Variants in ZNF654 observed in about 807,000 individuals in gnomAD.
ZNF654 encodes melanoma-associated antigen.
In ZNF654, 19 loss-of-function variants were observed where a neutral mutation model predicts 95.3. The observed-to-expected ratio is 0.20, with a 90% CI of 0.14 to 0.29. The LOEUF is 0.29. Ranked by LOEUF, ZNF654 falls within the 10% of genes least tolerant of loss-of-function variation. ZNF654 has a pLI of 1.00. For missense variants in ZNF654, 1,046 were observed against 1,341.0 expected (o/e 0.78, Z 3.44); for synonymous variants, 413 against 457.9 (o/e 0.90, Z 1.25).
chr3:88,073,014 G>C (rs1707603682), intron 1 of ZNF654, among the ~76,000 whole-genome samples: 1 of 152,146 alleles, frequency 6.6e-6, no homozygotes, highest in Admixed American at 6.5e-5. Context: ...AAATAGTATG[G>C]GGTAGGTGGA....
intron 7 of ZNF654, among the ~76,000 whole-genome samples, chr3:88,136,317 C>T (rs1706781364): frequency 6.6e-6 from 1 of 152,032 alleles, no homozygotes; most frequent in Non-Finnish European, 1.5e-5. Flanking sequence ...TGGGGTAAAC[C>T]TGCAAATATA....
At position 88,141,739 on chromosome 3, in the gene ZNF654, T is replaced by C. The variant is rs1320285753; in HGVS notation, c.*87T>C. 13 of 1,067,448 alleles carry C rather than the reference T, an allele frequency of 1.2e-5. No homozygotes were observed. Among genetic ancestry groups the C allele is most frequent in the Non-Finnish European group, 1.3e-6 (1 of 760,824 alleles). 66.1% of individuals were successfully genotyped at this position (1,067,448 alleles called of 1,614,324 possible). On this transcript the variant is annotated 3_prime_UTR_variant, in exon 9 of 9. Transcript: ENST00000636215. ...ATGCATCATCAGTTTGCTATTTCCC[T>C]GATGGCCTTAATTTTAGAGTGGTCT...
intron 3 of ZNF654, among the ~76,000 whole-genome samples, chr3:88,120,350 T>C (rs1705691922): frequency 6.6e-6 from 1 of 152,322 alleles, no homozygotes; most frequent in East Asian, 1.9e-4. Context: ...GGTTTAAATG[T>C]TTTATTTATA....
intron 3 of ZNF654, among the ~76,000 whole-genome samples, chr3:88,120,812 A>G (rs1705724990): frequency 1.1e-4 from 1 of 9,034 alleles, no homozygotes; most frequent in Admixed American, 2.1e-3. Flanking sequence ...CAGTGACATT[A>G]GTGTGATTAT....
chr3:88,090,846 G>C (rs941587750), intron 2 of ZNF654, among the ~76,000 whole-genome samples: 1 of 152,120 alleles, frequency 6.6e-6, no homozygotes, highest in African/African-American at 2.4e-5. Context: ...TAACACTGAC[G>C]ACATCTGATA....
chr3:88,095,616 T>C (rs1704012869), intron 2 of ZNF654: 1 of 516,952 alleles, frequency 1.9e-6, no homozygotes, highest in Admixed American at 2.0e-5. Flanking sequence ...CTTTTCTGGT[T>C]CTAGTCTTAT....
chr3:88,143,181 A>C lies in ZNF654; in HGVS notation c.*1529A>C, dbSNP rs1707209443. ...GGGGAATTTCTTCCAGGTAGCATCC[A>C]TATTTTATTAAATTAGGATTTCCAG... On this transcript the variant is annotated 3_prime_UTR_variant, in exon 9 of 9. Coordinates refer to ENST00000636215, the MANE Select transcript of ZNF654 (RefSeq NM_001350134.2). The C allele has an allele frequency of 6.6e-6, 1 of 152,300 alleles. No homozygotes were observed. The highest frequency in any genetic ancestry group is 2.4e-5 in the African/African-American group (1 of 41,448). The allele number at this position is 152,300 out of a possible 1,614,324, so 9.4% of individuals were successfully genotyped here. A position where few individuals can be genotyped will look rare whatever the true frequency, so the allele number is the denominator to read the frequency against.
chr3:88,136,919 G>GC (rs1025815469), intron 7 of ZNF654, among the ~76,000 whole-genome samples: 3 of 152,082 alleles, frequency 2.0e-5, no homozygotes, highest in African/African-American at 7.2e-5. Flanking sequence ...TGTAGGCTGG[G>GC]CGCGATGGCT....
At position 88,127,349 on chromosome 3, in the gene ZNF654, T is replaced by C. The variant is rs1706171763; in HGVS notation, c.550+1080T>C. ...GAAGGGATGGGAGGTGGGACAAGAC[T>C]AGGAGGATAGGGCTAAGGTATACGT... On this transcript the variant is annotated intron_variant, in intron 4 of 8. Transcript: ENST00000636215. 2.0e-5 allele frequency among the ~76,000 whole-genome samples: 3 copies of C among 151,818 alleles called. No individual in the cohort carries two copies. In the South Asian group the frequency reaches 6.2e-4, roughly 32 times the overall value.
intron 1 of ZNF654, among the ~76,000 whole-genome samples, chr3:88,083,046 C>T (rs543117355): frequency 6.6e-6 from 1 of 151,810 alleles, no homozygotes; most frequent in Non-Finnish European, 1.5e-5. Context: ...CTCCTCACTC[C>T]TCCTCCCTCT....
intron 2 of ZNF654, among the ~76,000 whole-genome samples, chr3:88,093,790 C>A (rs1376268145): frequency 6.6e-6 from 1 of 152,146 alleles, no homozygotes; most frequent in African/African-American, 2.4e-5. Flanking sequence ...TCTAGGCTTT[C>A]AACTAATTTA....
intron 2 of ZNF654, among the ~76,000 whole-genome samples, chr3:88,097,172 T>C (rs1331875967): frequency 1.3e-5 from 2 of 152,132 alleles, no homozygotes; most frequent in Non-Finnish European, 2.9e-5. Flanking sequence ...TTGTATATCT[T>C]AGATGTATCC....
intron 3 of ZNF654, among the ~76,000 whole-genome samples, chr3:88,115,961 T>C (rs1705363402): frequency 6.6e-6 from 1 of 152,086 alleles, no homozygotes; most frequent in Non-Finnish European, 1.5e-5. Context: ...GGCCAAACAA[T>C]ACTTGATTGA....
At chr3:88,090,892 T>C (rs1708597794) in intron 2 of ZNF654, among the ~76,000 whole-genome samples, 3 of 152,180 alleles carry the variant, frequency 2.0e-5, no homozygotes, top group African/African-American at 7.2e-5. Flanking sequence ...GATTACGTAA[T>C]GTTTTAAGAA....
At chr3:88,135,731 G>A (rs1012062343) in intron 7 of ZNF654, among the ~76,000 whole-genome samples, 7 of 152,044 alleles carry the variant, frequency 4.6e-5, no homozygotes. Flanking sequence ...CCACTTGCAA[G>A]TGAGTACAAT....
chr3:88,111,508 A>G (rs1020850001), intron 2 of ZNF654, among the ~76,000 whole-genome samples: 1 of 151,954 alleles, frequency 6.6e-6, no homozygotes, highest in Admixed American at 6.6e-5. Flanking sequence ...TTTAATTCAT[A>G]TAGATGTAGC....
At position 88,059,428 on chromosome 3, in the gene ZNF654, A is replaced by G. The variant is rs924469750; in HGVS notation, c.109A>G (p.Arg37Gly). The change falls in exon 1 of 9, where the codon AGA becomes GGA. Residue 37 changes from arginine (R) to glycine (G), a missense_variant. By Grantham distance (125) the Arg-to-Gly change is moderately radical. This residue lies in a region of ZNF654 where 89 missense variants were observed against 77.9 expected (regional missense o/e 1.14). Transcript: ENST00000636215. ...GGGGCTTAGAGCTGCGGGCGACGGC[A>G]GAGGCGGCGCTGGCAGCGGCAACTG... ...PVGLRAAGDGRGGAGSGNCGG... is the reference protein window; with the variant it reads ...PVGLRAAGDGGGGAGSGNCGG... 104 of 1,524,332 alleles carry G rather than the reference A, an allele frequency of 6.8e-5. No individual in the cohort carries two copies. The highest frequency in any genetic ancestry group is 8.8e-5 in the Non-Finnish European group (101 of 1,142,922). The allele number at this position is 1,524,332 out of a possible 1,614,324, so 94.4% of individuals were successfully genotyped here. A position where few individuals can be genotyped will look rare whatever the true frequency, so the allele number is the denominator to read the frequency against.
chr3:88,141,984 A>C lies in ZNF654; in HGVS notation c.*332A>C, dbSNP rs1333430986. ...CAGAAAACCAGCTATGGCCTTACAG[A>C]AAGGGAAAAATTAACCCATTATTAA... On this transcript the variant is annotated 3_prime_UTR_variant, in exon 9 of 9. Coordinates refer to ENST00000636215, the MANE Select transcript of ZNF654 (RefSeq NM_001350134.2). 2 of 213,892 alleles carry C rather than the reference A, an allele frequency of 9.4e-6. No individual in the cohort carries two copies. Among genetic ancestry groups the C allele is most frequent in the African/African-American group, 2.5e-5 (1 of 39,542 alleles). 13.2% of individuals were successfully genotyped at this position (213,892 alleles called of 1,614,324 possible). A position where few individuals can be genotyped will look rare whatever the true frequency, so the allele number is the denominator to read the frequency against.
intron 3 of ZNF654, among the ~76,000 whole-genome samples, chr3:88,123,798 C>G (rs988231008): frequency 6.6e-6 from 1 of 152,104 alleles, no homozygotes; most frequent in Non-Finnish European, 1.5e-5. Context: ...GACTAGTGTC[C>G]AACTTACCTT....
Sources: gnomAD v4.1 joint callset for allele counts (sites outside exome capture counted in the v4.1 genomes callset) on GRCh38, gnomAD v4.1.1 for gene constraint, gnomAD v4.1.1 regional missense constraint, MANE v1.5 for transcripts, NCBI Gene and HGNC (gene_info 2026-07-23, HGNC 2026-07-21) for gene names.